Variants in TRIM65 observed in about 807,000 individuals in gnomAD.
TRIM65 encodes the protein E3 ubiquitin-protein ligase TRIM65.
A neutral mutation model predicts 36.1 loss-of-function variants in TRIM65; 46 were observed. That is an observed-to-expected ratio of 1.27 (90% CI 1.01 to 1.63). The LOEUF (loss-of-function observed/expected upper bound fraction) is 1.63. Among genes scored for constraint, TRIM65 ranks in the 40% most tolerant of loss-of-function variants. TRIM65 has a pLI of 0.00. For missense variants in TRIM65, 708 were observed against 696.6 expected (o/e 1.02, Z -0.18); for synonymous variants, 346 against 313.6 (o/e 1.10, Z -1.09).
Position 75,891,127 on chromosome 17 carries a change from C to G in TRIM65, c.1206G>C (p.Pro402=), listed in dbSNP as rs376045388. ...DHSVTLGVSY[P]QLPRCRLGPH... is the part of the protein sequence containing the mutation. ...GCCCCAGCCTGCACCGTGGCAGTTG[C>G]GGGTAGGAGACGCCCAGTGTCACCG... is the stretch of plus-strand genomic sequence containing the variant. Residue 402 remains proline (P), a synonymous_variant, in exon 6 of 6, where the codon CCG becomes CCC. Coordinates refer to ENST00000269383, the MANE Select transcript of TRIM65 (RefSeq NM_173547.4). 24 of 1,608,398 alleles carry G rather than the reference C, an allele frequency of 1.5e-5. No individual in the cohort carries two copies. The highest frequency in any genetic ancestry group is 2.0e-5 in the Non-Finnish European group (24 of 1,179,908).
intron 4 of TRIM65, 26 bp downstream of exon 4, chr17:75,891,985 A>AGG (rs965962406): frequency 6.4e-7 from 1 of 1,552,544 alleles, no homozygotes; most frequent in African/African-American, 1.4e-5. Context: ...CCAGGACAGC[A>AGG]GGGGGAGGCC....
intron 1 of TRIM65, 33 bp from the exon 2 acceptor site, chr17:75,892,883 A>T: frequency 6.3e-7 from 1 of 1,585,046 alleles, no homozygotes; most frequent in Non-Finnish European, 8.6e-7. Context: ...AAGCAACAAG[A>T]GAAGGCCAGG....
downstream of TRIM65, among the ~76,000 whole-genome samples, chr17:75,884,035 G>C (rs900179091): frequency 2.0e-5 from 3 of 152,114 alleles, no homozygotes; most frequent in Admixed American, 1.3e-4. Flanking sequence ...CTACTCAGGA[G>C]GCTGAGGCAG....
intron 4 of TRIM65, 59 bp downstream of exon 4, chr17:75,891,952 C>G: frequency 3.2e-6 from 5 of 1,561,482 alleles, no homozygotes; most frequent in East Asian, 4.8e-5. Context: ...CCTCCACCCC[C>G]CCAGCGGGAG....
At chr17:75,882,699 C>T (rs2065175939) in intron 4 of TRIM65, among the ~76,000 whole-genome samples, 1 of 150,702 alleles carries the variant, frequency 6.6e-6, no homozygotes, top group South Asian at 2.1e-4. Context: ...AACTGGAATT[C>T]CGATAGGTAC....
In TRIM65 at chr17:75,890,871, C is replaced by T. The variant is rs141098586; in HGVS notation, c.1462G>A (p.Val488Ile). 5.4e-4 allele frequency: 820 copies of T among 1,528,320 alleles called. 5 individuals are homozygous for T. In the African/African-American group the frequency reaches 9.4e-3, roughly 18 times the overall value. 94.7% of individuals were successfully genotyped at this position (1,528,320 alleles called of 1,614,324 possible). Reference protein sequence around the residue: ...HALFNQPLTPVFWLLEGRTLT... With the variant: ...HALFNQPLTPIFWLLEGRTLT... ...GTCCTACCCTCGAGGAGCCAGAAGA[C>T]GGGGGTGAGGGGCTGGTTGAAGAGG... Residue 488 changes from valine (V) to isoleucine (I), a missense_variant, in exon 6 of 6, where the codon GTC becomes ATC. By Grantham distance (29) the Val-to-Ile change is conservative. Coordinates refer to ENST00000269383, the MANE Select transcript of TRIM65 (RefSeq NM_173547.4).
chr17:75,890,508 C>T lies in TRIM65; in HGVS notation c.*271G>A, dbSNP rs974788254. 2.8e-6 allele frequency: 1 copy of T among 355,146 alleles called. No individual in the cohort carries two copies. Among genetic ancestry groups the T allele is most frequent in the Non-Finnish European group, 5.0e-6 (1 of 199,774 alleles). 22.0% of individuals were successfully genotyped at this position (355,146 alleles called of 1,614,324 possible). Reference sequence around the variant, plus strand: ...TGTAAGCCCAGAAGTCCCCTGGGCACTGCTCTCGCCTCCCAGGCCCAGACA... The same window carrying T: ...TGTAAGCCCAGAAGTCCCCTGGGCATTGCTCTCGCCTCCCAGGCCCAGACA... On this transcript the variant is annotated 3_prime_UTR_variant, in exon 6 of 6. Transcript: ENST00000269383.
chr17:75,884,381 C>A (rs111343860), downstream of TRIM65, among the ~76,000 whole-genome samples: 384 of 152,220 alleles, frequency 2.5e-3, 5 homozygotes, highest in Non-Finnish European at 7.2e-4. Context: ...ATCGCTTGAA[C>A]CCAGGAGGCA....
chr17:75,883,082 A>C (rs2065179051), intron 4 of TRIM65, among the ~76,000 whole-genome samples: 1 of 149,340 alleles, frequency 6.7e-6, no homozygotes, highest in Non-Finnish European at 1.5e-5. Flanking sequence ...AAGGGGATCC[A>C]AACACCATGT....
At chr17:75,893,953 C>T (rs1031740928) in intron 1 of TRIM65, among the ~76,000 whole-genome samples, 1 of 152,200 alleles carries the variant, frequency 6.6e-6, no homozygotes, top group South Asian at 2.1e-4. Context: ...ATGAGCAGTA[C>T]ATCTCGTCTC....
chr17:75,888,611 A>G (rs2065228418), downstream of TRIM65, among the ~76,000 whole-genome samples: 1 of 152,192 alleles, frequency 6.6e-6, no homozygotes, highest in Admixed American at 6.5e-5. Context: ...AATGACAGCC[A>G]TCTGGCCAGG....
chr17:75,886,771 A>G (rs558818696), downstream of TRIM65, among the ~76,000 whole-genome samples: 1 of 152,224 alleles, frequency 6.6e-6, no homozygotes, highest in East Asian at 1.9e-4. Context: ...TCTGGTGGGT[A>G]GGCCAGACAT....
chr17:75,892,488 T>A lies in TRIM65; in HGVS notation c.523A>T (p.Ile175Phe). The change falls in exon 3 of 6, where the codon ATC becomes TTC. Residue 175 changes from isoleucine (I) to phenylalanine (F), a missense_variant. Transcript: ENST00000269383. The stretch of plus-strand genomic sequence containing the variant: ...TTGCCGGAGACCCAGGAGGCCAAGA[T>A]GCAGGCCGAGTTCTGGGCGGGAACA... The part of the protein sequence containing the change: ...QSSQIQNSAC[I>F]LASWVSGKFS... 1 of 1,613,848 alleles carries A rather than the reference T, an allele frequency of 6.2e-7. No homozygotes were observed. Among genetic ancestry groups the A allele is most frequent in the South Asian group, 1.1e-5 (1 of 91,074 alleles).
At chr17:75,895,474 C>T (rs2065332788) in intron 1 of TRIM65, among the ~76,000 whole-genome samples, 1 of 152,168 alleles carries the variant, frequency 6.6e-6, no homozygotes, top group Non-Finnish European at 1.5e-5. Context: ...CCCCTGCTGA[C>T]CCCCAGGGCC....
In TRIM65 at chr17:75,892,479, A is replaced by T; in HGVS notation, c.532T>A (p.Ser178Thr). ...CTGCTGAACTTGCCGGAGACCCAGGAGGCCAAGATGCAGGCCGAGTTCTGG... is the reference window on the plus strand; with the variant it reads ...CTGCTGAACTTGCCGGAGACCCAGGTGGCCAAGATGCAGGCCGAGTTCTGG... ...QIQNSACILA[S>T]WVSGKFSSLL... Residue 178 changes from serine (S) to threonine (T), a missense_variant, in exon 3 of 6, where the codon TCC becomes ACC. Coordinates refer to ENST00000269383, the MANE Select transcript of TRIM65 (RefSeq NM_173547.4). The T allele has an allele frequency of 6.2e-7, 1 of 1,613,992 alleles. No homozygotes were observed. Among genetic ancestry groups the T allele is most frequent in the Non-Finnish European group, 8.5e-7 (1 of 1,179,936 alleles).
chr17:75,881,738 C>T (rs999858653), intron 4 of TRIM65, among the ~76,000 whole-genome samples: 1 of 150,536 alleles, frequency 6.6e-6, no homozygotes, highest in Non-Finnish European at 1.5e-5. Flanking sequence ...ATGGGAAAGG[C>T]TGGGGAACTG....
downstream of TRIM65, among the ~76,000 whole-genome samples, chr17:75,886,770 T>C (rs1369864990): frequency 2.0e-5 from 3 of 151,952 alleles, no homozygotes; most frequent in African/African-American, 7.3e-5. Flanking sequence ...GTCTGGTGGG[T>C]AGGCCAGACA....
intron 4 of TRIM65, among the ~76,000 whole-genome samples, chr17:75,881,349 T>A (rs1182005669): frequency 6.7e-6 from 1 of 150,046 alleles, no homozygotes; most frequent in Non-Finnish European, 1.5e-5. Context: ...TCTTAGTGTG[T>A]CTGGGCTGCT....
At chr17:75,892,625 C>CCCCAGGACCCCTGTG in intron 2 of TRIM65, 125 bp from the exon 3 acceptor site, 1 of 1,219,602 alleles carries the variant, frequency 8.2e-7, no homozygotes. Flanking sequence ...CCGGGAACCT[C>CCCCAGGACCCCTGTG]CCCAGGACCC....
Sources: gnomAD v4.1 joint callset for allele counts (sites outside exome capture counted in the v4.1 genomes callset) on GRCh38, gnomAD v4.1.1 for gene constraint, MANE v1.5 for transcripts, NCBI Gene and HGNC (gene_info 2026-07-23, HGNC 2026-07-21) for gene names.